Variants in DMC1 observed in about 807,000 individuals in gnomAD.
The protein encoded by DMC1 is meiotic recombination protein DMC1 homolog.
In DMC1, 27 loss-of-function variants were observed where a neutral mutation model predicts 50.1. The ratio of observed to expected loss-of-function variants is 0.54; its 90% CI spans 0.40 to 0.74. DMC1 has a LOEUF of 0.74. DMC1 is among the 30% of genes least tolerant of loss of function. The pLI is 0.00. For missense variants in DMC1, 295 were observed against 420.2 expected, an observed-to-expected ratio of 0.70 and a Z score of 2.60; for synonymous variants, 148 against 136.1, an observed-to-expected ratio of 1.09 and a Z score of -0.61.
intron 4 of DMC1, among the ~76,000 whole-genome samples, chr22:38,563,699 CA>C (rs1356587476): frequency 6.6e-6 from 1 of 151,322 alleles, no homozygotes; most frequent in East Asian, 1.9e-4. Flanking sequence ...CCCATCTCCA[CA>C]AATTTTTTTT....
intron 7 of DMC1, among the ~76,000 whole-genome samples, chr22:38,550,930 C>CAAAAAAAA (rs60295497): frequency 2.3e-4 from 13 of 57,624 alleles, no homozygotes; most frequent in African/African-American, 3.3e-4. Context: ...GACTCCATCT[C>CAAAAAAAA]AAAAAAAAAA....
chr22:38,517,966 G>A (rs978394124), downstream of DMC1, among the ~76,000 whole-genome samples: 2 of 151,116 alleles, frequency 1.3e-5, no homozygotes, highest in Admixed American at 6.6e-5. Context: ...CCCATTTTTG[G>A]AATTTTACTT....
rs4987165 is a variant in DMC1, at chr22:38,538,494, A to G, written c.660+45T>C. 3.1e-3 allele frequency: 4,919 copies of G among 1,606,704 alleles called. 153 individuals are homozygous for G. The African/African-American group carries it at 0.059, about 19-fold the overall frequency. ...GAATAGAGATCAATAGAAGAAAAAT[A>G]TTATGCTAAATAGCTCTGTGAAAGC... On this transcript the variant is annotated intron_variant, in intron 10 of 13. Coordinates refer to ENST00000216024, the MANE Select transcript of DMC1 (RefSeq NM_007068.4).
intron 12 of DMC1, among the ~76,000 whole-genome samples, chr22:38,535,429 C>CAT (rs1407684575): frequency 6.6e-6 from 1 of 151,978 alleles, no homozygotes; most frequent in East Asian, 1.9e-4. Flanking sequence ...CACACACACA[C>CAT]ACACACACAT....
At position 38,538,519 on chromosome 22, in the gene DMC1, C is replaced by T. The variant is rs1351050674; in HGVS notation, c.660+20G>A. On this transcript the variant is annotated intron_variant, in intron 10 of 13. Coordinates refer to ENST00000216024, the MANE Select transcript of DMC1 (RefSeq NM_007068.4). ...ATTATGCTAAATAGCTCTGTGAAAGCAATATTTAAAAGCTTGTACCAATAG... is the reference window on the plus strand; with the variant it reads ...ATTATGCTAAATAGCTCTGTGAAAGTAATATTTAAAAGCTTGTACCAATAG... 2.0e-5 allele frequency: 33 copies of T among 1,612,086 alleles called. No individual in the cohort carries two copies. The highest frequency in any genetic ancestry group is 2.7e-5 in the Non-Finnish European group (32 of 1,178,376).
At chr22:38,526,456 C>T (rs2090090581) in intron 12 of DMC1, among the ~76,000 whole-genome samples, 1 of 151,978 alleles carries the variant, frequency 6.6e-6, no homozygotes, top group African/African-American at 2.4e-5. Context: ...GATCTGCCCA[C>T]CTCAGCCTCC....
chr22:38,551,856 CTTTTTTTTTTT>C (rs71761663), intron 7 of DMC1, among the ~76,000 whole-genome samples: 2 of 93,156 alleles, frequency 2.1e-5, no homozygotes, highest in African/African-American at 4.2e-5. Context: ...GAACTCCTTT[CTTTTTTTTTTT>C]TTTTTTTTTT....
At chr22:38,566,033 T>C (rs1045302145) in intron 4 of DMC1, among the ~76,000 whole-genome samples, 2 of 151,942 alleles carry the variant, frequency 1.3e-5, no homozygotes, top group African/African-American at 4.8e-5. Flanking sequence ...TCCCAGCACT[T>C]TGGGAGGCCA....
rs868443703 is a variant in DMC1, at chr22:38,537,613, G to A, written c.815C>T (p.Ala272Val). Residue 272 changes from alanine (A) to valine (V), a missense_variant, in exon 12 of 14, where the codon GCC becomes GTC. By Grantham distance (64) the Ala-to-Val change is moderately conservative. Coordinates refer to ENST00000216024, the MANE Select transcript of DMC1 (RefSeq NM_007068.4). The part of the protein sequence containing the change: ...VAVFVTNQMT[A>V]DPGATMTFQA... ...TTACGTCATAGTTGCTCCTGGATCG[G>A]CAGTCATTTGATTGGTCACAAAAAC... 2 of 1,613,898 alleles carry A rather than the reference G, an allele frequency of 1.2e-6. No individual in the cohort carries two copies. The highest frequency in any genetic ancestry group is 2.2e-5 in the South Asian group (2 of 91,062).
chr22:38,562,170 A>G (rs1264977523), intron 5 of DMC1, 117 bp downstream of exon 5: 1 of 721,690 alleles, frequency 1.4e-6, no homozygotes, highest in Non-Finnish European at 2.4e-6. Context: ...AAACAAACCC[A>G]AACTTCAAAT....
At chr22:38,509,301 C>T in the DMC1 span, among the ~76,000 whole-genome samples, 2 of 152,050 alleles carry the variant, frequency 1.3e-5, no homozygotes, top group Admixed American at 1.3e-4. Context: ...AGCTATTCTT[C>T]TCGATGCTCT....
intron 6 of DMC1, among the ~76,000 whole-genome samples, chr22:38,553,004 C>T (rs906506119): frequency 8.6e-5 from 13 of 151,316 alleles, no homozygotes; most frequent in Admixed American, 2.0e-4. Flanking sequence ...CCTGCCACCA[C>T]GCCCGGCTAG....
downstream of DMC1, among the ~76,000 whole-genome samples, chr22:38,514,881 G>GT (rs1468458116): frequency 1.3e-5 from 2 of 151,336 alleles, no homozygotes; most frequent in Non-Finnish European, 1.5e-5. Context: ...AGAACTAACC[G>GT]TAAGTATACT....
chr22:38,569,379 A>G (rs552040516), intron 1 of DMC1: 1 of 152,230 alleles, frequency 6.6e-6, no homozygotes, highest in African/African-American at 2.4e-5. Context: ...TACCAAAGTC[A>G]GGGGTTGGAC....
chr22:38,511,682 A>G, the DMC1 span, among the ~76,000 whole-genome samples: 7 of 152,050 alleles, frequency 4.6e-5, no homozygotes, highest in African/African-American at 1.7e-4. Context: ...GCTCACTGCC[A>G]TCTTGAACTC....
At chr22:38,512,339 A>G in the DMC1 span, among the ~76,000 whole-genome samples, 1 of 152,094 alleles carries the variant, frequency 6.6e-6, no homozygotes, top group Admixed American at 6.6e-5. Context: ...CAACTTAGGC[A>G]ATGAGCTGAC....
intron 12 of DMC1, among the ~76,000 whole-genome samples, chr22:38,522,541 A>C (rs1260849975): frequency 6.6e-6 from 1 of 152,070 alleles, no homozygotes; most frequent in Non-Finnish European, 1.5e-5. Flanking sequence ...AGCCTGGGCA[A>C]CAGAATAAGA....
chr22:38,523,329 C>T (rs1405903533), intron 12 of DMC1, among the ~76,000 whole-genome samples: 1 of 152,088 alleles, frequency 6.6e-6, no homozygotes, highest in Non-Finnish European at 1.5e-5. Context: ...GCTTACAGAT[C>T]GATGCCACTT....
At chr22:38,547,952 C>T (rs567644427) in intron 8 of DMC1, among the ~76,000 whole-genome samples, 4 of 152,200 alleles carry the variant, frequency 2.6e-5, no homozygotes, top group African/African-American at 9.7e-5. Flanking sequence ...TAATTTTGAA[C>T]TTATAATGAT....
Sources: gnomAD v4.1 joint callset for allele counts (sites outside exome capture counted in the v4.1 genomes callset) on GRCh38, gnomAD v4.1.1 for gene constraint, MANE v1.5 for transcripts, NCBI Gene and HGNC (gene_info 2026-07-23, HGNC 2026-07-21) for gene names.